The following CA10 variants were observed in gnomAD, a reference collection of about 807,000 sequenced individuals.
CA10 encodes the protein carbonic anhydrase-related protein 10.
In CA10, 14 loss-of-function variants were observed where a neutral mutation model predicts 44.2. The observed-to-expected ratio is 0.32, with a 90% CI of 0.21 to 0.50. CA10 has a LOEUF of 0.50. Ranked by LOEUF, CA10 falls within the 20% of genes least tolerant of loss-of-function variation. The pLI is 0.99. For missense variants in CA10, 350 were observed against 409.7 expected (o/e 0.85, Z 1.26); for synonymous variants, 159 against 141.6 (o/e 1.12, Z -0.87).
intron 3 of CA10, among the ~76,000 whole-genome samples, chr17:51,785,976 T>C (rs1374633461): frequency 8.5e-5 from 13 of 152,238 alleles, no homozygotes; most frequent in Admixed American, 8.5e-4. Flanking sequence ...TTTGGTGTCC[T>C]CTTCAGTTTC....
intron 4 of CA10, among the ~76,000 whole-genome samples, chr17:51,666,414 G>C (rs1914209230): frequency 1.3e-5 from 2 of 152,266 alleles, no homozygotes; most frequent in African/African-American, 2.4e-5. Flanking sequence ...ATGGAGAAGG[G>C]GGTTGTACGT....
intron 3 of CA10, among the ~76,000 whole-genome samples, chr17:51,915,550 A>G (rs897114708): frequency 6.6e-6 from 1 of 152,224 alleles, no homozygotes; most frequent in Non-Finnish European, 1.5e-5. Context: ...CAGTTTGACT[A>G]TATTAATAAA....
chr17:51,631,364 G>A lies in CA10; in HGVS notation c.*220C>T, dbSNP rs2143193578. 2 of 607,056 alleles carry A rather than the reference G, an allele frequency of 3.3e-6. No homozygotes were observed. Among genetic ancestry groups the A allele is most frequent in the Non-Finnish European group, 5.9e-6 (2 of 336,170 alleles). The allele number at this position is 607,056 out of a possible 1,614,324, so 37.6% of individuals were successfully genotyped here. ...TAGGTATGTTTGCATGTGTTTGTAT[G>A]TATGTGCAAGTGCTTGTGTGTGTGT... On this transcript the variant is annotated 3_prime_UTR_variant, in exon 9 of 9. Coordinates refer to ENST00000451037, the MANE Select transcript of CA10 (RefSeq NM_020178.5).
intron 2 of CA10, among the ~76,000 whole-genome samples, chr17:51,996,359 G>A (rs779979706): frequency 6.6e-6 from 1 of 151,856 alleles, no homozygotes; most frequent in Non-Finnish European, 1.5e-5. Flanking sequence ...AATGAACTAG[G>A]TCCTCCACAT....
chr17:51,694,567 G>A (rs775989739), intron 4 of CA10, among the ~76,000 whole-genome samples: 1 of 149,732 alleles, frequency 6.7e-6, no homozygotes, highest in Non-Finnish European at 1.5e-5. Flanking sequence ...TTTGTTGGAT[G>A]CATAGTTTGT....
chr17:52,001,454 T>C lies in CA10; in HGVS notation c.137-70322A>G, dbSNP rs148568666. Among the ~76,000 whole-genome samples the C allele has an allele frequency of 2.3e-4, 35 of 152,148 alleles. No individual in the cohort carries two copies. The East Asian group carries it at 2.5e-3, about 11-fold the overall frequency. Reference sequence around the variant, plus strand: ...GTGAATGAAAGAAGTAGAAGAAAACTGTGTTTGGTGTTTTTCAGTGAAGTG... The same window carrying C: ...GTGAATGAAAGAAGTAGAAGAAAACCGTGTTTGGTGTTTTTCAGTGAAGTG... On this transcript the variant is annotated intron_variant, in intron 2 of 8. Coordinates refer to ENST00000451037, the MANE Select transcript of CA10 (RefSeq NM_020178.5).
At chr17:52,017,226 AG>A (rs1985996681) in intron 2 of CA10, among the ~76,000 whole-genome samples, 1 of 152,166 alleles carries the variant, frequency 6.6e-6, no homozygotes, top group Non-Finnish European at 1.5e-5. Context: ...ATGTGGAAGC[AG>A]CTTTGGGACT....
intron 2 of CA10, among the ~76,000 whole-genome samples, chr17:51,957,474 T>C (rs538133593): frequency 6.6e-6 from 1 of 152,008 alleles, no homozygotes; most frequent in South Asian, 2.1e-4. Context: ...TATGGTTCAC[T>C]AAGGAAGGCA....
intron 2 of CA10, among the ~76,000 whole-genome samples, chr17:51,995,836 T>C (rs1985216323): frequency 6.6e-6 from 1 of 152,072 alleles, no homozygotes; most frequent in Admixed American, 6.6e-5. Context: ...AGCTTTTGTG[T>C]CTCCTCACAT....
At chr17:51,796,166 A>G (rs1906698257) in intron 3 of CA10, among the ~76,000 whole-genome samples, 1 of 151,832 alleles carries the variant, frequency 6.6e-6, no homozygotes, top group Non-Finnish European at 1.5e-5. Flanking sequence ...CCTAACATGG[A>G]GTTAGATGTT....
rs11870497 is a variant in CA10, at chr17:51,789,191, C to T, written c.280-41373G>A. On this transcript the variant is annotated intron_variant, in intron 3 of 8. Transcript: ENST00000451037. ...CCACCACACCTGGCTAATTTTTGTA[C>T]TTTTAGTAGAGAGGGGGTTTCACCA... Among the ~76,000 whole-genome samples the T allele has an allele frequency of 4.9e-3, 745 of 151,994 alleles. 3 individuals carry two copies. Among genetic ancestry groups the T allele is most frequent in the Non-Finnish European group, 8.7e-3 (591 of 67,960 alleles).
chr17:52,056,392 G>A (rs1054352139), intron 2 of CA10, among the ~76,000 whole-genome samples: 6 of 152,060 alleles, frequency 3.9e-5, no homozygotes, highest in Non-Finnish European at 7.4e-5. Flanking sequence ...TGGGGAGAAA[G>A]AAGCCCCCTA....
chr17:51,915,199 T>C (rs1189064407), intron 3 of CA10, among the ~76,000 whole-genome samples: 10 of 152,182 alleles, frequency 6.6e-5, no homozygotes, highest in African/African-American at 2.4e-4. Context: ...CTCATATCTG[T>C]TGATGTCTCA....
At chr17:51,750,450 T>C (rs115623378) in intron 3 of CA10, among the ~76,000 whole-genome samples, 1,697 of 152,344 alleles carry the variant, frequency 0.011, 22 homozygotes, top group African/African-American at 0.039. Flanking sequence ...ATCTACATCA[T>C]ATTTCCTTGT....
At chr17:52,001,611 ATC>A (rs747135752) in intron 2 of CA10, among the ~76,000 whole-genome samples, 1 of 151,870 alleles carries the variant, frequency 6.6e-6, no homozygotes, top group Non-Finnish European at 1.5e-5. Context: ...ATGCCACGTA[ATC>A]TCTTACCATT....
At chr17:51,708,218 T>C (rs1258121254) in intron 4 of CA10, among the ~76,000 whole-genome samples, 2 of 152,174 alleles carry the variant, frequency 1.3e-5, no homozygotes, top group East Asian at 3.8e-4. Context: ...AGAGCTCTCA[T>C]GCCTCCACTG....
At chr17:52,047,719 T>C (rs530945243) in intron 2 of CA10, among the ~76,000 whole-genome samples, 151 of 151,922 alleles carry the variant, frequency 9.9e-4, no homozygotes, top group Non-Finnish European at 1.9e-3. Flanking sequence ...TGAGAGAATA[T>C]AAAAAATTTA....
intron 3 of CA10, among the ~76,000 whole-genome samples, chr17:51,752,394 A>C (rs1443346786): frequency 6.6e-6 from 1 of 152,020 alleles, no homozygotes; most frequent in East Asian, 1.9e-4. Context: ...GGGGATATCC[A>C]GGTTGCCTCT....
intron 3 of CA10, among the ~76,000 whole-genome samples, chr17:51,924,799 T>C (rs1197959195): frequency 2.0e-5 from 3 of 152,156 alleles, no homozygotes; most frequent in Non-Finnish European, 2.9e-5. Context: ...CTGGGGTGGT[T>C]ATAAACGGTC....
Sources: gnomAD v4.1 joint callset for allele counts (sites outside exome capture counted in the v4.1 genomes callset) on GRCh38, gnomAD v4.1.1 for gene constraint, MANE v1.5 for transcripts, NCBI Gene and HGNC (gene_info 2026-07-23, HGNC 2026-07-21) for gene names.